The following CDH4 variants were observed in gnomAD, a reference collection of about 807,000 sequenced individuals.
CDH4 encodes cadherin-4.
A neutral mutation model predicts 86.0 loss-of-function variants in CDH4; 33 were observed. The observed-to-expected ratio is 0.38, with a 90% CI of 0.29 to 0.51. The LOEUF (loss-of-function observed/expected upper bound fraction) is 0.51, where lower values mean the gene tolerates loss of function less well. Ranked by LOEUF, CDH4 falls within the 20% of genes least tolerant of loss-of-function variation. CDH4 has a pLI of 0.86. For missense variants in CDH4, 1,114 were observed against 1,307.4 expected (o/e 0.85, Z 2.28); for synonymous variants, 555 against 549.4 (o/e 1.01, Z -0.14).
intron 2 of CDH4, among the ~76,000 whole-genome samples, chr20:61,331,856 G>A (rs1304318693): frequency 2.0e-5 from 3 of 152,104 alleles, no homozygotes; most frequent in East Asian, 1.9e-4. Context: ...AGCCCTTGCC[G>A]CCGTCCTTGG....
intron 2 of CDH4, among the ~76,000 whole-genome samples, chr20:61,692,710 G>A (rs554885799): frequency 6.6e-6 from 1 of 152,226 alleles, no homozygotes; most frequent in Non-Finnish European, 1.5e-5. Context: ...AAGCACATCT[G>A]TGTGCCATAT....
intron 2 of CDH4, among the ~76,000 whole-genome samples, chr20:61,331,662 C>G (rs1339264065): frequency 1.3e-5 from 2 of 150,992 alleles, no homozygotes; most frequent in South Asian, 2.1e-4. Context: ...CAGCCACCTG[C>G]CCCAGGCTCA....
chr20:61,691,830 A>T (rs953761715), intron 2 of CDH4, among the ~76,000 whole-genome samples: 1 of 152,178 alleles, frequency 6.6e-6, no homozygotes, highest in Non-Finnish European at 1.5e-5. Flanking sequence ...ACTGGTGGAG[A>T]CGTCCTTACG....
At chr20:61,759,037 G>A (rs1472387127) in intron 3 of CDH4, among the ~76,000 whole-genome samples, 8 of 152,196 alleles carry the variant, frequency 5.3e-5, no homozygotes, top group South Asian at 2.1e-4. Flanking sequence ...ACATGTGTGC[G>A]TTCGCACATG....
At chr20:61,352,818 G>A (rs1232445456) in intron 2 of CDH4, among the ~76,000 whole-genome samples, 1 of 151,992 alleles carries the variant, frequency 6.6e-6, no homozygotes, top group Non-Finnish European at 1.5e-5. Context: ...TCTGCTCTTC[G>A]GAGTTCTTCA....
intron 2 of CDH4, among the ~76,000 whole-genome samples, chr20:61,742,368 G>A (rs2088352432): frequency 6.6e-6 from 1 of 152,166 alleles, no homozygotes; most frequent in Non-Finnish European, 1.5e-5. Flanking sequence ...GCCATTGGCT[G>A]GGAAGATATC....
intron 2 of CDH4, among the ~76,000 whole-genome samples, chr20:61,525,877 A>T (rs964286773): frequency 2.0e-5 from 3 of 152,132 alleles, no homozygotes; most frequent in African/African-American, 7.2e-5. Context: ...CTCATAGCCC[A>T]GAGAAAAGCG....
At chr20:61,704,508 C>T (rs941240833) in intron 2 of CDH4, among the ~76,000 whole-genome samples, 3 of 152,080 alleles carry the variant, frequency 2.0e-5, no homozygotes, top group African/African-American at 4.8e-5. Context: ...GAGAGGAGAG[C>T]GGCTGGCCCT....
intron 2 of CDH4, among the ~76,000 whole-genome samples, chr20:61,445,345 G>A (rs1483693226): frequency 6.6e-6 from 1 of 152,204 alleles, no homozygotes; most frequent in Non-Finnish European, 1.5e-5. Context: ...CGAAGGAAAG[G>A]TCCACTTGGC....
chr20:61,872,736 A>C (rs1308125619), intron 6 of CDH4, among the ~76,000 whole-genome samples: 3 of 152,262 alleles, frequency 2.0e-5, no homozygotes, highest in Non-Finnish European at 4.4e-5. Context: ...GGTGGCGGGC[A>C]GAGTCCAGCC....
At chr20:61,284,345 C>CT (rs897174324) in intron 2 of CDH4, among the ~76,000 whole-genome samples, 2 of 152,172 alleles carry the variant, frequency 1.3e-5, no homozygotes, top group African/African-American at 4.8e-5. Flanking sequence ...TTCCTCCTTT[C>CT]TTTTTTTGTG....
chr20:61,851,300 C>T (rs965767005), intron 5 of CDH4, among the ~76,000 whole-genome samples: 6 of 152,318 alleles, frequency 3.9e-5, no homozygotes, highest in South Asian at 4.1e-4. Flanking sequence ...CTAGATCTTC[C>T]GTAAACACAC....
chr20:61,813,139 G>A (rs577825118), intron 4 of CDH4, among the ~76,000 whole-genome samples: 24 of 152,294 alleles, frequency 1.6e-4, no homozygotes, highest in South Asian at 2.1e-4. Context: ...AATTTCTAAC[G>A]TCCTTGGCAA....
intron 13 of CDH4, among the ~76,000 whole-genome samples, chr20:61,931,781 G>A (rs994441306): frequency 2.6e-5 from 4 of 152,152 alleles, no homozygotes; most frequent in African/African-American, 7.2e-5. Flanking sequence ...GGCTGGACAC[G>A]GACCTCGGAA....
At chr20:61,640,601 C>T (rs2086996155) in intron 2 of CDH4, among the ~76,000 whole-genome samples, 1 of 152,058 alleles carries the variant, frequency 6.6e-6, no homozygotes, top group African/African-American at 2.4e-5. Flanking sequence ...GGTTGGAGTC[C>T]GGGTCACACC....
At chr20:61,677,590 C>A (rs6061723) in intron 2 of CDH4, among the ~76,000 whole-genome samples, 3 of 150,758 alleles carry the variant, frequency 2.0e-5, no homozygotes, top group East Asian at 3.9e-4. Context: ...GCACATCCCC[C>A]TCAGATCCAA....
At chr20:61,491,689 G>A (rs545156387) in intron 2 of CDH4, among the ~76,000 whole-genome samples, 12 of 152,318 alleles carry the variant, frequency 7.9e-5, no homozygotes, top group African/African-American at 2.4e-4. Flanking sequence ...TGCTAGTTGT[G>A]TTGATGTTGA....
Position 61,923,509 on chromosome 20 carries a change from C to T in CDH4, c.1433C>T (p.Ala478Val), listed in dbSNP as rs763582219. Residue 478 changes from alanine to valine, a missense_variant, in exon 10 of 16, where the codon GCG becomes GTG. Transcript: ENST00000614565. ...CTGACAGTGATGGTGTCCAACCAGG[C>T]GCCCCTGGCCAGCGGAATCCAGATG... ...FMLTVMVSNQ[A>V]PLASGIQMSF... The T allele has an allele frequency of 5.0e-6, 8 of 1,614,046 alleles. No homozygotes were observed. The highest frequency in any genetic ancestry group is 1.7e-5 in the Admixed American group (1 of 60,010).
At chr20:61,536,887 C>G (rs1248755801) in intron 2 of CDH4, among the ~76,000 whole-genome samples, 6 of 152,158 alleles carry the variant, frequency 3.9e-5, no homozygotes, top group Admixed American at 2.0e-4. Context: ...GGCTGGCCCT[C>G]CCCTCCAGAG....
Sources: allele counts gnomAD v4.1 joint callset (sites outside exome capture counted in the v4.1 genomes callset), GRCh38; gene constraint gnomAD v4.1.1; transcripts MANE v1.5; gene names NCBI Gene and HGNC (gene_info 2026-07-23, HGNC 2026-07-21).